The following ROR2 variants were observed in gnomAD, a reference collection of about 807,000 sequenced individuals.
ROR2 encodes the protein tyrosine-protein kinase transmembrane receptor ROR2.
ROR2 carries 33 observed loss-of-function variants against 74.9 expected under a neutral mutation model. The observed-to-expected ratio is 0.44, with a 90% CI of 0.33 to 0.59. The LOEUF is 0.59. Among genes scored for constraint, ROR2 ranks in the 20% least tolerant of loss-of-function variants. The pLI is 0.02. For missense variants in ROR2, 1,216 were observed against 1,313.8 expected (o/e 0.93, Z 1.15); for synonymous variants, 586 against 558.7 (o/e 1.05, Z -0.69).
intron 1 of ROR2, among the ~76,000 whole-genome samples, chr9:91,845,877 CAAAA>C (rs5899143): frequency 0.035 from 1,173 of 33,374 alleles, 2 homozygotes; most frequent in East Asian, 0.09. Context: ...GAATCCATCT[CAAAA>C]AAAAAAAAAA....
intron 7 of ROR2, among the ~76,000 whole-genome samples, chr9:91,730,512 G>A (rs968617091): frequency 6.6e-6 from 1 of 152,088 alleles, no homozygotes; most frequent in African/African-American, 2.4e-5. Context: ...CCATGCTGGA[G>A]TGCAGTGTCA....
intron 1 of ROR2, among the ~76,000 whole-genome samples, chr9:91,840,626 T>A (rs1828754583): frequency 6.6e-6 from 1 of 152,192 alleles, no homozygotes. Context: ...GCACCGCCCA[T>A]ACTTTCTCAG....
At chr9:91,856,387 G>C (rs1564002279) in intron 1 of ROR2, among the ~76,000 whole-genome samples, 1 of 152,234 alleles carries the variant, frequency 6.6e-6, no homozygotes, top group African/African-American at 2.4e-5. Flanking sequence ...TTGCATGTCT[G>C]GGCTAAATTG....
intron 1 of ROR2, among the ~76,000 whole-genome samples, chr9:91,852,659 AC>A (rs1466068582): frequency 1.3e-5 from 2 of 151,426 alleles, no homozygotes; most frequent in African/African-American, 2.4e-5. Flanking sequence ...ACCCACACAC[AC>A]AATGTAAGTC....
At chr9:91,820,010 G>T (rs949860983) in intron 1 of ROR2, among the ~76,000 whole-genome samples, 5 of 152,270 alleles carry the variant, frequency 3.3e-5, no homozygotes, top group African/African-American at 1.2e-4. Flanking sequence ...GTGTCTGTGT[G>T]TGCACACCTG....
chr9:91,810,951 G>A lies in ROR2; in HGVS notation c.98-35133C>T, dbSNP rs201726449. Among the ~76,000 whole-genome samples, 13 of 152,360 alleles carry A rather than the reference G, an allele frequency of 8.5e-5. No homozygotes were observed. The East Asian group carries it at 2.1e-3, about 25-fold the overall frequency. ...GGAAGGTACAAGGACAAGTGGTATC[G>A]ATTCTGGTGTCACACGTCACGTGGT... On this transcript the variant is annotated intron_variant, in intron 1 of 8. Coordinates refer to ENST00000375708, the MANE Select transcript of ROR2 (RefSeq NM_004560.4).
chr9:91,743,687 C>T (rs1223565410), intron 4 of ROR2, among the ~76,000 whole-genome samples: 1 of 152,168 alleles, frequency 6.6e-6, no homozygotes, highest in Non-Finnish European at 1.5e-5. Flanking sequence ...GCAACGTCCT[C>T]CTCAAAACAT....
chr9:91,726,526 G>A lies in ROR2; in HGVS notation c.1386+15C>T, dbSNP rs1279767828. The stretch of plus-strand genomic sequence containing the variant: ...TGGAAGAGCCACCCGGGTAGAAAAT[G>A]TAAGGCATGGAGACCTGTTTGTGCT... On this transcript the variant is annotated intron_variant, in intron 8 of 8. Coordinates refer to ENST00000375708, the MANE Select transcript of ROR2 (RefSeq NM_004560.4). The A allele has an allele frequency of 1.9e-6, 3 of 1,610,580 alleles. No homozygotes were observed. Among genetic ancestry groups the A allele is most frequent in the Non-Finnish European group, 2.5e-6 (3 of 1,179,316 alleles).
At chr9:91,873,190 T>C (rs1829854686) in intron 1 of ROR2, among the ~76,000 whole-genome samples, 1 of 144,688 alleles carries the variant, frequency 6.9e-6, no homozygotes, top group Non-Finnish European at 1.5e-5. Flanking sequence ...AACATAAAAC[T>C]GTACATCGAC....
At chr9:91,941,086 C>T (rs974950808) in intron 1 of ROR2, among the ~76,000 whole-genome samples, 5 of 151,002 alleles carry the variant, frequency 3.3e-5, no homozygotes, top group African/African-American at 1.2e-4. Context: ...CAAGCTCCGC[C>T]TCCTGGGTTC....
chr9:91,804,648 C>T (rs1018826793), intron 1 of ROR2, among the ~76,000 whole-genome samples: 1 of 152,160 alleles, frequency 6.6e-6, no homozygotes, highest in African/African-American at 2.4e-5. Flanking sequence ...GGGCTCCTGC[C>T]GGCTCCTGCC....
intron 1 of ROR2, among the ~76,000 whole-genome samples, chr9:91,817,551 T>A (rs1418373129): frequency 6.6e-6 from 1 of 152,148 alleles, no homozygotes; most frequent in Non-Finnish European, 1.5e-5. Context: ...GCACGTCTCC[T>A]CCGGGGAGTG....
intron 4 of ROR2, among the ~76,000 whole-genome samples, chr9:91,749,913 T>G (rs1037627042): frequency 6.6e-6 from 1 of 152,194 alleles, no homozygotes; most frequent in African/African-American, 2.4e-5. Context: ...TATTCTTTCT[T>G]TTTTTTGAGA....
chr9:91,790,888 A>C (rs1425004267), intron 1 of ROR2, among the ~76,000 whole-genome samples: 1 of 152,216 alleles, frequency 6.6e-6, no homozygotes, highest in Non-Finnish European at 1.5e-5. Context: ...AAGCTTCTAG[A>C]ATAAAAACAT....
rs35146225 is a variant in ROR2 at position 91,735,606 on chromosome 9, C to CTTTTTTTTTTTTTTTTTTTTTTTTT, written c.622+1760_622+1784dup. Among the ~76,000 whole-genome samples, 18 of 79,012 alleles carry CTTTTTTTTTTTTTTTTTTTTTTTTT rather than the reference C, an allele frequency of 2.3e-4. 1 individual carries two copies. The highest frequency in any genetic ancestry group is 5.1e-4 in the South Asian group (1 of 1,948). 51.8% of individuals were successfully genotyped at this position (79,012 alleles called of 152,430 possible). ...GCACGGTTCCTACTAAGGGCTCTAA[C>CTTTTTTTTTTTTTTTTTTTTTTTTT]TTTTTTTTTTTTTTTTTTTTTTTTT... is the stretch of plus-strand genomic sequence containing the variant. On this transcript the variant is annotated intron_variant, in intron 5 of 8. Transcript: ENST00000375708.
At chr9:91,861,768 T>C (rs1014735373) in intron 1 of ROR2, among the ~76,000 whole-genome samples, 12 of 152,180 alleles carry the variant, frequency 7.9e-5, no homozygotes, top group African/African-American at 2.7e-4. Context: ...ATTAAAAACT[T>C]GTGTGCTTCA....
At chr9:91,903,192 T>C (rs527843348) in intron 1 of ROR2, among the ~76,000 whole-genome samples, 2 of 152,214 alleles carry the variant, frequency 1.3e-5, no homozygotes, top group South Asian at 4.2e-4. Flanking sequence ...TATGAGTGCA[T>C]GGAAAATTAA....
chr9:91,821,339 T>G (rs1336506902), intron 1 of ROR2, among the ~76,000 whole-genome samples: 1 of 152,190 alleles, frequency 6.6e-6, no homozygotes, highest in African/African-American at 2.4e-5. Context: ...AAATACAGTA[T>G]GTGATAGGCA....
chr9:91,836,957 T>C (rs1365134599), intron 1 of ROR2, among the ~76,000 whole-genome samples: 1 of 152,264 alleles, frequency 6.6e-6, no homozygotes, highest in Non-Finnish European at 1.5e-5. Context: ...GTATATACCA[T>C]GTTTTTCTAG....
Sources: allele counts gnomAD v4.1 joint callset (sites outside exome capture counted in the v4.1 genomes callset), GRCh38; gene constraint gnomAD v4.1.1; transcripts MANE v1.5; gene names NCBI Gene and HGNC (gene_info 2026-07-23, HGNC 2026-07-21).